The following FANCC variants were observed in gnomAD, a reference collection of about 807,000 sequenced individuals.
FANCC encodes the protein Fanconi anemia group C protein.
In FANCC, 55 loss-of-function variants were observed where a neutral mutation model predicts 71.3. The ratio of observed to expected loss-of-function variants is 0.77; its 90% CI spans 0.62 to 0.97. The LOEUF is 0.97. FANCC is among the 50% of genes least tolerant of loss of function. FANCC has a pLI of 0.00. For missense variants in FANCC, 678 were observed against 670.9 expected, an observed-to-expected ratio of 1.01 and a Z score of -0.12; for synonymous variants, 275 against 244.9, an observed-to-expected ratio of 1.12 and a Z score of -1.15.
intron 7 of FANCC, among the ~76,000 whole-genome samples, chr9:95,139,821 AAT>A (rs1554836036): frequency 6.9e-6 from 1 of 145,876 alleles, no homozygotes; most frequent in Admixed American, 6.8e-5. Flanking sequence ...TGACAAAATG[AAT>A]ATATATATAT....
chr9:95,316,822 C>CA (rs1271415049), intron 1 of FANCC: 2 of 152,308 alleles, frequency 1.3e-5, no homozygotes, highest in African/African-American at 2.4e-5. Context: ...AGCAAACCAA[C>CA]AAACAGCACC....
At chr9:95,152,489 C>T (rs914666308) in intron 6 of FANCC, among the ~76,000 whole-genome samples, 20 of 152,170 alleles carry the variant, frequency 1.3e-4, no homozygotes, top group Non-Finnish European at 2.1e-4. Flanking sequence ...GCAAGGGGAC[C>T]AACGTGGCCA....
chr9:95,099,856 C>T lies in FANCC; in HGVS notation c.*1851G>A, dbSNP rs2071019993. ...GAAGTCTTCCAGATGCCTAGCTTCA[C>T]CAGTCCCAGGAGAAGGAAGGAAGGG... On this transcript the variant is annotated 3_prime_UTR_variant, in exon 15 of 15. Coordinates refer to ENST00000289081, the MANE Select transcript of FANCC (RefSeq NM_000136.3). 2.1e-5 allele frequency: 5 copies of T among 233,228 alleles called. No individual in the cohort carries two copies. The highest frequency in any genetic ancestry group is 1.1e-4 in the Admixed American group (2 of 17,752). 14.4% of individuals were successfully genotyped at this position (233,228 alleles called of 1,614,324 possible).
intron 13 of FANCC, among the ~76,000 whole-genome samples, chr9:95,109,947 G>A (rs772578539): frequency 2.6e-5 from 4 of 152,118 alleles, no homozygotes; most frequent in Non-Finnish European, 5.9e-5. Context: ...TTCCCAGGAC[G>A]CCACATACAC....
intron 4 of FANCC, among the ~76,000 whole-genome samples, chr9:95,228,250 T>C (rs1829752584): frequency 6.6e-6 from 1 of 152,150 alleles, no homozygotes; most frequent in African/African-American, 2.4e-5. Flanking sequence ...GGTGCCACAT[T>C]ACAACACTCT....
chr9:95,146,904 A>G (rs1829645540), intron 7 of FANCC, among the ~76,000 whole-genome samples: 1 of 152,096 alleles, frequency 6.6e-6, no homozygotes, highest in East Asian at 1.9e-4. Flanking sequence ...ACGTGGAAAC[A>G]TAAGAAGAAA....
intron 4 of FANCC, among the ~76,000 whole-genome samples, chr9:95,210,324 GTTAT>G (rs1564755357): frequency 6.6e-6 from 1 of 151,886 alleles, no homozygotes; most frequent in African/African-American, 2.4e-5. Context: ...ATAGATATGT[GTTAT>G]TTATTATTTT....
intron 3 of FANCC, among the ~76,000 whole-genome samples, chr9:95,241,012 T>A (rs1333091641): frequency 6.6e-6 from 1 of 152,214 alleles, no homozygotes; most frequent in African/African-American, 2.4e-5. Context: ...CTTGTGGCCT[T>A]GGGATCACTT....
chr9:95,266,843 C>T (rs965126418), intron 1 of FANCC, among the ~76,000 whole-genome samples: 2 of 152,174 alleles, frequency 1.3e-5, no homozygotes, highest in African/African-American at 2.4e-5. Flanking sequence ...GCTTTCAGTA[C>T]TATGTAAAAC....
In FANCC at chr9:95,313,744, T is replaced by G. The variant is rs78246373; in HGVS notation, c.-79+3782A>C. On this transcript the variant is annotated intron_variant, in intron 1 of 14. Coordinates refer to ENST00000289081, the MANE Select transcript of FANCC (RefSeq NM_000136.3). The stretch of plus-strand genomic sequence containing the variant: ...TTACTAAGCCAAATCCAGCAATATG[T>G]AAAAAGGATTATATAACATGACTAA... Among the ~76,000 whole-genome samples the G allele has an allele frequency of 8.1e-4, 124 of 152,288 alleles. 2 individuals carry two copies. The East Asian group carries it at 0.023, about 28-fold the overall frequency.
intron 6 of FANCC, 137 bp from the exon 7 acceptor site, chr9:95,150,224 A>G (rs922103694): frequency 3.9e-6 from 3 of 770,032 alleles, no homozygotes; most frequent in Non-Finnish European, 4.4e-6. Context: ...CTCTAACACC[A>G]TCGATGAACA....
chr9:95,142,556 G>T (rs1269640681), intron 7 of FANCC: 2 of 152,106 alleles, frequency 1.3e-5, no homozygotes, highest in Admixed American at 1.3e-4. Context: ...ATGGTTACGG[G>T]GTATTTACTG....
chr9:95,273,140 G>GA (rs1203139042), intron 1 of FANCC, among the ~76,000 whole-genome samples: 1 of 152,216 alleles, frequency 6.6e-6, no homozygotes, highest in Non-Finnish European at 1.5e-5. Flanking sequence ...GAGAAAAGAT[G>GA]AAATGACGTA....
chr9:95,306,562 C>A (rs1835080576), intron 1 of FANCC, among the ~76,000 whole-genome samples: 1 of 152,182 alleles, frequency 6.6e-6, no homozygotes. Flanking sequence ...TGGGTAACAG[C>A]CAACAACCCT....
At chr9:95,297,912 C>T (rs1461375940) in intron 1 of FANCC, among the ~76,000 whole-genome samples, 1 of 152,130 alleles carries the variant, frequency 6.6e-6, no homozygotes, top group Non-Finnish European at 1.5e-5. Flanking sequence ...CCTGCTCAAG[C>T]AAGTAGTAGA....
At chr9:95,129,875 TCTG>T (rs1826622986) in intron 8 of FANCC, among the ~76,000 whole-genome samples, 2 of 152,138 alleles carry the variant, frequency 1.3e-5, no homozygotes, top group Admixed American at 6.5e-5. Context: ...ACCCGATTGT[TCTG>T]CTGGGTGTGC....
intron 4 of FANCC, 44 bp downstream of exon 4, chr9:95,240,605 T>C: frequency 1.4e-6 from 2 of 1,435,808 alleles, no homozygotes; most frequent in Non-Finnish European, 2.0e-6. Context: ...TTTTAAATAA[T>C]CAATTTAATT....
chr9:95,107,323 C>A, intron 13 of FANCC, 54 bp from the exon 14 acceptor site: 3 of 1,557,466 alleles, frequency 1.9e-6, no homozygotes, highest in Non-Finnish European at 2.6e-6. Flanking sequence ...GACAGACATA[C>A]TTCTAGGATT....
chr9:95,187,051 G>A (rs935054643), intron 4 of FANCC, among the ~76,000 whole-genome samples: 5 of 152,116 alleles, frequency 3.3e-5, no homozygotes, highest in Admixed American at 3.3e-4. Flanking sequence ...GGGATTACAG[G>A]TGCGAGCCAC....
Sources: allele counts gnomAD v4.1 joint callset (sites outside exome capture counted in the v4.1 genomes callset), GRCh38; gene constraint gnomAD v4.1.1; transcripts MANE v1.5; gene names NCBI Gene and HGNC (gene_info 2026-07-23, HGNC 2026-07-21).